ST13: variants seen among roughly 807,000 people sequenced by gnomAD.
ST13 encodes the protein hsc70-interacting protein.
In ST13, 23 loss-of-function variants were observed where a neutral mutation model predicts 56.7. The observed-to-expected ratio is 0.41, with a 90% CI of 0.29 to 0.57. The LOEUF is 0.57. Among genes scored for constraint, ST13 ranks in the 20% least tolerant of loss-of-function variants. The probability of loss-of-function intolerance (pLI) is 0.36; values close to 1 mark genes in which losing one functional copy is unlikely to be tolerated. For synonymous variants in ST13, 132 were observed against 142.4 expected, an observed-to-expected ratio of 0.93 and a Z score of 0.52; for missense variants, 369 against 459.9, an observed-to-expected ratio of 0.80 and a Z score of 1.81.
At chr22:40,847,760 A>G (rs1408433584) in intron 3 of ST13, among the ~76,000 whole-genome samples, 1 of 152,082 alleles carries the variant, frequency 6.6e-6, no homozygotes, top group Non-Finnish European at 1.5e-5. Flanking sequence ...TTATTAACAA[A>G]TATTGAGGCC....
intron 3 of ST13, among the ~76,000 whole-genome samples, chr22:40,845,937 C>T (rs991919211): frequency 2.6e-5 from 4 of 151,994 alleles, no homozygotes; most frequent in Admixed American, 2.0e-4. Context: ...TTTTAACATA[C>T]AGGCATATCG....
At chr22:40,856,174 T>A (rs552669129) in intron 1 of ST13, among the ~76,000 whole-genome samples, 1 of 152,318 alleles carries the variant, frequency 6.6e-6, no homozygotes, top group East Asian at 1.9e-4. Context: ...TCCGCAGTCC[T>A]GTTTTTGTAT....
intron 5 of ST13, 23 bp downstream of exon 5, chr22:40,840,603 A>C (rs1182381138): frequency 2.5e-6 from 4 of 1,601,238 alleles, no homozygotes; most frequent in African/African-American, 1.3e-5. Context: ...CTACCATAGA[A>C]ATGTAGCAAA....
intron 9 of ST13, 56 bp downstream of exon 9, chr22:40,830,784 T>C: frequency 9.1e-7 from 1 of 1,102,266 alleles, no homozygotes. Context: ...AGTGTCCTAA[T>C]GCCTCTACAT....
At chr22:40,851,127 T>C (rs903667132) in intron 1 of ST13, among the ~76,000 whole-genome samples, 7 of 151,794 alleles carry the variant, frequency 4.6e-5, no homozygotes, top group African/African-American at 1.7e-4. Flanking sequence ...ATAAACATAA[T>C]GTATAGCTTC....
chr22:40,852,717 T>G (rs1463400105), intron 1 of ST13, among the ~76,000 whole-genome samples: 2 of 152,228 alleles, frequency 1.3e-5, no homozygotes, highest in Non-Finnish European at 2.9e-5. Flanking sequence ...CATCCTAATC[T>G]GCAATTCAGC....
chr22:40,835,476 T>C, intron 7 of ST13, 84 bp downstream of exon 7: 1 of 1,203,510 alleles, frequency 8.3e-7, no homozygotes, highest in Non-Finnish European at 1.2e-6. Context: ...TTAGGAACTT[T>C]TGTGTTTTTG....
At position 40,825,047 on chromosome 22, in the gene ST13, A is replaced by G. The variant is rs1255595804; in HGVS notation, c.*1491T>C. 6.6e-6 allele frequency: 1 copy of G among 152,204 alleles called. No homozygotes were observed. Among genetic ancestry groups the G allele is most frequent in the African/African-American group, 2.4e-5 (1 of 41,456 alleles). 9.4% of individuals were successfully genotyped at this position (152,204 alleles called of 1,614,324 possible). On this transcript the variant is annotated 3_prime_UTR_variant, in exon 12 of 12. Transcript: ENST00000216218. ...CTTGAAAATGTTTTTAAACACTAGC[A>G]CTTTAAATTGAAACACTGGTAGAAA...
chr22:40,848,197 T>C (rs2057842352), intron 3 of ST13, 97 bp downstream of exon 3: 4 of 799,958 alleles, frequency 5.0e-6, no homozygotes, highest in Non-Finnish European at 8.5e-6. Context: ...TGCCATTATA[T>C]TTCTATTACA....
chr22:40,832,592 T>C lies in ST13; in HGVS notation c.658A>G (p.Met220Val), dbSNP rs763573449. ...KLDYDEDASA[M>V]LKEVQPRAQK... ...ACCCTAGGTTGAACTTCTTTCAGCA[T>C]TGCACTAGCATCTTCATCATAATCC... Residue 220 changes from methionine to valine, a missense_variant, in exon 8 of 12, where the codon ATG becomes GTG. By Grantham distance (21) the Met-to-Val change is conservative. Around this residue, in one of 3 missense-constraint regions of ST13, gnomAD observed 64 missense variants for 125.1 expected, o/e 0.51. Coordinates refer to ENST00000216218, the MANE Select transcript of ST13 (RefSeq NM_003932.5). 23 of 1,608,418 alleles carry C rather than the reference T, an allele frequency of 1.4e-5. No homozygotes were observed. Among genetic ancestry groups the C allele is most frequent in the Admixed American group, 1.0e-4 (6 of 59,992 alleles).
chr22:40,841,953 GA>G (rs2057806733), intron 4 of ST13, among the ~76,000 whole-genome samples: 1 of 152,182 alleles, frequency 6.6e-6, no homozygotes, highest in Non-Finnish European at 1.5e-5. Flanking sequence ...CAGAGGAAGA[GA>G]ATGTATGTGG....
At chr22:40,849,271 A>AT in intron 2 of ST13, among the ~76,000 whole-genome samples, 1 of 152,026 alleles carries the variant, frequency 6.6e-6, no homozygotes, top group East Asian at 1.9e-4. Context: ...AGGTCAGGAG[A>AT]TTGAGACCAT....
In ST13 at chr22:40,826,146, C is replaced by T. The variant is rs189969667; in HGVS notation, c.*392G>A. 1.3e-5 allele frequency: 2 copies of T among 155,256 alleles called. No homozygotes were observed. Among genetic ancestry groups the T allele is most frequent in the African/African-American group, 4.8e-5 (2 of 41,674 alleles). 9.6% of individuals were successfully genotyped at this position (155,256 alleles called of 1,614,324 possible). A position where few individuals can be genotyped will look rare whatever the true frequency, so the allele number is the denominator to read the frequency against. On this transcript the variant is annotated 3_prime_UTR_variant, in exon 12 of 12. Coordinates refer to ENST00000216218, the MANE Select transcript of ST13 (RefSeq NM_003932.5). ...TCAAATGAGTTATGTTTGCCTCGCA[C>T]TAATAACTTTTATTTCACTCAGAGC...
chr22:40,842,189 G>T (rs2057807984), intron 4 of ST13, among the ~76,000 whole-genome samples: 2 of 152,160 alleles, frequency 1.3e-5, no homozygotes, highest in Admixed American at 6.5e-5. Context: ...AGGGGTCCTT[G>T]AGTTGGTAGC....
chr22:40,847,075 T>G (rs992863956), intron 3 of ST13, among the ~76,000 whole-genome samples: 2 of 152,048 alleles, frequency 1.3e-5, no homozygotes. Context: ...TCAGGTTCTG[T>G]GATATAAGAG....
At chr22:40,848,599 C>CA (rs2057845015) in intron 2 of ST13, among the ~76,000 whole-genome samples, 1 of 152,010 alleles carries the variant, frequency 6.6e-6, no homozygotes, top group African/African-American at 2.4e-5. Flanking sequence ...ACAAATTAGC[C>CA]GGACGTGGTG....
chr22:40,824,731 C>T lies in ST13; in HGVS notation c.*1807G>A, dbSNP rs551495768. ...TAAGCCAAGTACACACTGGCAATTTCGAGAAAGGAGAACTCTACACATTAA... is the reference window on the plus strand; with the variant it reads ...TAAGCCAAGTACACACTGGCAATTTTGAGAAAGGAGAACTCTACACATTAA... On this transcript the variant is annotated 3_prime_UTR_variant, in exon 12 of 12. Transcript: ENST00000216218. 3.3e-5 allele frequency: 5 copies of T among 152,218 alleles called. No individual in the cohort carries two copies. The South Asian group carries it at 8.3e-4, about 25-fold the overall frequency. 9.4% of individuals were successfully genotyped at this position (152,218 alleles called of 1,614,324 possible).
intron 7 of ST13, 52 bp from the exon 8 acceptor site, chr22:40,832,723 G>T: frequency 7.6e-7 from 1 of 1,308,694 alleles, no homozygotes; most frequent in Non-Finnish European, 1.1e-6. Context: ...ATTCACCTAT[G>T]TGGCATGATA....
chr22:40,827,058 A>G (rs2057731835), intron 11 of ST13, 38 bp downstream of exon 11: 1 of 1,601,776 alleles, frequency 6.2e-7, no homozygotes, highest in African/African-American at 1.3e-5. Flanking sequence ...GAATTGCCTT[A>G]ATGATACAAA....
Sources: gnomAD v4.1 joint callset for allele counts (sites outside exome capture counted in the v4.1 genomes callset) on GRCh38, gnomAD v4.1.1 for gene constraint, gnomAD v4.1.1 regional missense constraint, MANE v1.5 for transcripts, NCBI Gene and HGNC (gene_info 2026-07-23, HGNC 2026-07-21) for gene names.